The following BTBD9 variants were observed in gnomAD, a reference collection of about 807,000 sequenced individuals.
BTBD9 encodes BTB domain containing 9.
Under a neutral mutation model 64.3 loss-of-function variants are expected in BTBD9, and 49 were observed. The observed-to-expected ratio is 0.76, with a 90% CI of 0.61 to 0.97. The LOEUF is 0.97. Among genes scored for constraint, BTBD9 ranks in the 50% least tolerant of loss-of-function variants. BTBD9 has a pLI of 0.00. For synonymous variants in BTBD9, 260 were observed against 274.7 expected (o/e 0.95, Z 0.53); for missense variants, 598 against 762.1 (o/e 0.78, Z 2.53).
chr6:38,243,214 G>GT lies in BTBD9; in HGVS notation c.1562+13194dup, dbSNP rs1205734643. ...ACAGAAATAAAGGTTAGAAAGTCTG[G>GT]TTAGAGTCAGAGAGATATGGTAATT... On this transcript the variant is annotated intron_variant, in intron 9 of 10. Transcript: ENST00000481247. Among the ~76,000 whole-genome samples, 15 of 152,208 alleles carry GT rather than the reference G, an allele frequency of 9.9e-5. 1 individual carries two copies. The highest frequency in any genetic ancestry group is 3.1e-4 in the African/African-American group (13 of 41,462).
At chr6:38,228,866 C>G (rs1330266145) in intron 9 of BTBD9, among the ~76,000 whole-genome samples, 1 of 150,562 alleles carries the variant, frequency 6.6e-6, no homozygotes. Context: ...GAGCGAGGCT[C>G]CGTCTCAAAA....
rs77269532 is a variant in BTBD9 at position 38,581,910 on chromosome 6, A to C, written c.815-1473T>G. Among the ~76,000 whole-genome samples the C allele has an allele frequency of 6.3e-3, 957 of 152,366 alleles. 8 individuals are homozygous for C. The highest frequency in any genetic ancestry group is 0.022 in the African/African-American group (897 of 41,586). The stretch of plus-strand genomic sequence containing the variant: ...AAAACATATTAAAAAGCACACGATA[A>C]GAGAACTATGTATGTTTACAGACTG... On this transcript the variant is annotated intron_variant, in intron 4 of 10. Coordinates refer to ENST00000481247, the MANE Select transcript of BTBD9 (RefSeq NM_001099272.2).
chr6:38,272,010 A>C (rs1195466318), intron 8 of BTBD9, among the ~76,000 whole-genome samples: 4 of 152,118 alleles, frequency 2.6e-5, no homozygotes, highest in African/African-American at 7.2e-5. Flanking sequence ...CAGCAGCTCC[A>C]ATTAAAAATG....
intron 6 of BTBD9, among the ~76,000 whole-genome samples, chr6:38,528,442 C>G (rs1000491741): frequency 6.6e-6 from 1 of 152,166 alleles, no homozygotes; most frequent in African/African-American, 2.4e-5. Flanking sequence ...ATACACAAGC[C>G]AGGGTGGCCA....
At chr6:38,596,578 AT>A (rs994194705) in intron 2 of BTBD9, among the ~76,000 whole-genome samples, 29 of 152,248 alleles carry the variant, frequency 1.9e-4, no homozygotes, top group Admixed American at 5.9e-4. Context: ...AGGCGGGCGG[AT>A]CACAAGGTCA....
intron 9 of BTBD9, among the ~76,000 whole-genome samples, chr6:38,209,044 C>G (rs1762747145): frequency 6.6e-6 from 1 of 152,240 alleles, no homozygotes; most frequent in Non-Finnish European, 1.5e-5. Flanking sequence ...TTAGCTGCCA[C>G]TTAAACATTG....
chr6:38,279,835 C>T (rs1360611325), intron 8 of BTBD9, among the ~76,000 whole-genome samples: 1 of 152,020 alleles, frequency 6.6e-6, no homozygotes, highest in Non-Finnish European at 1.5e-5. Flanking sequence ...CAGATGGGGC[C>T]GAAATCCTCT....
At position 38,225,826 on chromosome 6, in the gene BTBD9, T is replaced by C. The variant is rs143249660; in HGVS notation, c.1562+30583A>G. On this transcript the variant is annotated intron_variant, in intron 9 of 10. Transcript: ENST00000481247. ...TTACAATCTAGTCAGAACGACCTAA[T>C]GACATCTGATGTTTGTATAGAGTTT... Among the ~76,000 whole-genome samples, 11 of 152,326 alleles carry C rather than the reference T, an allele frequency of 7.2e-5. No individual in the cohort carries two copies. In the East Asian group the frequency reaches 2.1e-3, roughly 29 times the overall value.
At chr6:38,454,238 G>A (rs1382016787) in intron 6 of BTBD9, among the ~76,000 whole-genome samples, 1 of 152,004 alleles carries the variant, frequency 6.6e-6, no homozygotes, top group Admixed American at 6.6e-5. Context: ...CTATTTTATT[G>A]CATATAAGGA....
intron 9 of BTBD9, among the ~76,000 whole-genome samples, chr6:38,237,725 T>A (rs1763827365): frequency 6.6e-6 from 1 of 152,122 alleles, no homozygotes; most frequent in African/African-American, 2.4e-5. Flanking sequence ...AAGTGCTGAA[T>A]CTTATGGTAT....
chr6:38,464,554 G>A (rs978611475), intron 6 of BTBD9, among the ~76,000 whole-genome samples: 7 of 152,022 alleles, frequency 4.6e-5, no homozygotes, highest in African/African-American at 1.7e-4. Flanking sequence ...GGAGTCCAGT[G>A]GCACAATCTC....
At chr6:38,410,388 A>C (rs1389669412) in intron 6 of BTBD9, among the ~76,000 whole-genome samples, 1 of 152,072 alleles carries the variant, frequency 6.6e-6, no homozygotes, top group East Asian at 1.9e-4. Context: ...GGGGAGGATC[A>C]CTTGAGCCCA....
chr6:38,433,911 A>G (rs956159188), intron 6 of BTBD9, among the ~76,000 whole-genome samples: 1 of 151,962 alleles, frequency 6.6e-6, no homozygotes, highest in Non-Finnish European at 1.5e-5. Context: ...CTGGCACTCA[A>G]TCGCTATTTG....
At position 38,219,125 on chromosome 6, in the gene BTBD9, T is replaced by C. The variant is rs551217414; in HGVS notation, c.1563-26528A>G. ...GTATTAAGTCATTACTATCACTTTC[T>C]TTTCTTTTTTTTTTTTTTTTTTTTT... On this transcript the variant is annotated intron_variant, in intron 9 of 10. Coordinates refer to ENST00000481247, the MANE Select transcript of BTBD9 (RefSeq NM_001099272.2). 2.4e-4 allele frequency among the ~76,000 whole-genome samples: 27 copies of C among 111,350 alleles called. No individual in the cohort carries two copies. In the South Asian group the frequency reaches 8.0e-3, roughly 33 times the overall value. 73.0% of individuals were successfully genotyped at this position (111,350 alleles called of 152,430 possible). A position where few individuals can be genotyped will look rare whatever the true frequency, so the allele number is the denominator to read the frequency against.
At chr6:38,211,700 A>G (rs950481153) in intron 9 of BTBD9, among the ~76,000 whole-genome samples, 2 of 150,632 alleles carry the variant, frequency 1.3e-5, no homozygotes, top group African/African-American at 4.9e-5. Context: ...GCTGAGATTA[A>G]GCCACTGCCC....
intron 6 of BTBD9, among the ~76,000 whole-genome samples, chr6:38,359,336 C>T (rs1764862226): frequency 1.3e-5 from 2 of 152,154 alleles, no homozygotes; most frequent in African/African-American, 4.8e-5. Context: ...GCCACACAAA[C>T]TCTCCTCAAC....
intron 6 of BTBD9, chr6:38,571,724 T>G (rs1405557156): frequency 6.6e-6 from 1 of 152,348 alleles, no homozygotes; most frequent in African/African-American, 2.4e-5. Flanking sequence ...TTTGTGAGGC[T>G]GAAGCAGTCA....
At chr6:38,431,813 T>C (rs971603822) in intron 6 of BTBD9, among the ~76,000 whole-genome samples, 5 of 152,032 alleles carry the variant, frequency 3.3e-5, no homozygotes, top group African/African-American at 1.2e-4. Flanking sequence ...TGAAACACTT[T>C]TTTAGTTTTT....
Position 38,479,374 on chromosome 6 carries a change from G to A in BTBD9, c.1154+98226C>T, listed in dbSNP as rs142636934. Among the ~76,000 whole-genome samples, 163 of 150,304 alleles carry A rather than the reference G, an allele frequency of 1.1e-3. 1 individual carries two copies. Among genetic ancestry groups the A allele is most frequent in the African/African-American group, 3.9e-3 (158 of 40,892 alleles). ...TGGGAAAAAATTGAAAGATAGAAAGGAGGAAGCATAAAAAAAATCATTTCC... is the reference window on the plus strand; with the variant it reads ...TGGGAAAAAATTGAAAGATAGAAAGAAGGAAGCATAAAAAAAATCATTTCC... On this transcript the variant is annotated intron_variant, in intron 6 of 10. Coordinates refer to ENST00000481247, the MANE Select transcript of BTBD9 (RefSeq NM_001099272.2).
Sources: allele counts gnomAD v4.1 joint callset (sites outside exome capture counted in the v4.1 genomes callset), GRCh38; gene constraint gnomAD v4.1.1; transcripts MANE v1.5; gene names NCBI Gene and HGNC (gene_info 2026-07-23, HGNC 2026-07-21).